The following RAPGEF6 variants were observed in gnomAD, a reference collection of about 807,000 sequenced individuals.
The protein encoded by RAPGEF6 is Rap guanine nucleotide exchange factor 6.
RAPGEF6 carries 56 observed loss-of-function variants against 171.4 expected under a neutral mutation model. The observed-to-expected ratio is 0.33, with a 90% confidence interval of 0.26 to 0.41. The LOEUF is 0.41. Ranked by LOEUF, RAPGEF6 falls within the 10% of genes least tolerant of loss-of-function variation. RAPGEF6 has a pLI of 1.00. For synonymous variants in RAPGEF6, 692 were observed against 650.1 expected, an observed-to-expected ratio of 1.06 and a Z score of -0.98; for missense variants, 1,674 against 1,921.4, an observed-to-expected ratio of 0.87 and a Z score of 2.41.
intron 3 of RAPGEF6, among the ~76,000 whole-genome samples, chr5:131,597,629 T>C (rs1287932483): frequency 6.6e-6 from 1 of 152,150 alleles, no homozygotes; most frequent in African/African-American, 2.4e-5. Flanking sequence ...GAATATCACT[T>C]ATACGTGGAA....
At chr5:131,476,568 C>T (rs1243992254) in intron 16 of RAPGEF6, among the ~76,000 whole-genome samples, 1 of 152,194 alleles carries the variant, frequency 6.6e-6, no homozygotes, top group Non-Finnish European at 1.5e-5. Context: ...TCAAGTGATT[C>T]TCCTGCCTCA....
intron 4 of RAPGEF6, among the ~76,000 whole-genome samples, chr5:131,567,312 G>A (rs1267273296): frequency 1.3e-5 from 2 of 151,810 alleles, no homozygotes. Flanking sequence ...ATTTCCACTT[G>A]AACCTTCCTT....
chr5:131,537,911 G>A (rs1315623446), intron 6 of RAPGEF6, among the ~76,000 whole-genome samples: 1 of 136,662 alleles, frequency 7.3e-6, no homozygotes, highest in African/African-American at 2.8e-5. Flanking sequence ...TGAAAAACAT[G>A]ATGAAACTCC....
chr5:131,520,509 T>C (rs1758406750), intron 7 of RAPGEF6, among the ~76,000 whole-genome samples: 1 of 152,222 alleles, frequency 6.6e-6, no homozygotes, highest in Non-Finnish European at 1.5e-5. Context: ...ACTAGAAAAT[T>C]TAAAATTAAA....
intron 6 of RAPGEF6, among the ~76,000 whole-genome samples, chr5:131,535,450 A>C (rs1171150425): frequency 6.6e-6 from 1 of 152,108 alleles, no homozygotes; most frequent in African/African-American, 2.4e-5. Context: ...ATCTCATCTC[A>C]TTATCTTATC....
At chr5:131,493,516 A>G (rs189895999) in intron 13 of RAPGEF6, among the ~76,000 whole-genome samples, 14 of 152,346 alleles carry the variant, frequency 9.2e-5, no homozygotes, top group Non-Finnish European at 1.6e-4. Flanking sequence ...ATGTTCAAAG[A>G]AACATTCAAG....
intron 4 of RAPGEF6, among the ~76,000 whole-genome samples, chr5:131,589,188 TTTTAG>T (rs1342596534): frequency 1.3e-5 from 2 of 152,142 alleles, no homozygotes; most frequent in African/African-American, 4.8e-5. Context: ...ACAGCTGAAG[TTTTAG>T]TTAAGGCAAG....
In RAPGEF6 at chr5:131,472,686, G is replaced by A. The variant is rs1754831938; in HGVS notation, c.2140C>T (p.His714Tyr). Reference protein sequence around the residue: ...DSIVGTRHCRHSLAIMPIPGT... With the variant: ...DSIVGTRHCRYSLAIMPIPGT... ...GGGATGGGCATTATAGCCAGACTAT[G>A]CCTACAGTGCCTTGTTCCCACAATG... Residue 714 changes from histidine (H) to tyrosine (Y), a missense_variant, in exon 17 of 28, where the codon CAT becomes TAT. His to Tyr is a moderately conservative substitution (Grantham distance 83). This residue lies in a region of RAPGEF6 where 1,116 missense variants were observed against 1,321.5 expected (regional missense o/e 0.84). Coordinates refer to ENST00000509018, the MANE Select transcript of RAPGEF6 (RefSeq NM_016340.6). 1 of 1,612,506 alleles carries A rather than the reference G, an allele frequency of 6.2e-7. No individual in the cohort carries two copies.
At chr5:131,530,949 G>T (rs1046194096) in intron 6 of RAPGEF6, among the ~76,000 whole-genome samples, 1 of 152,092 alleles carries the variant, frequency 6.6e-6, no homozygotes, top group Non-Finnish European at 1.5e-5. Context: ...GGGCCATATA[G>T]GTGTCATTTT....
intron 16 of RAPGEF6, among the ~76,000 whole-genome samples, chr5:131,475,260 G>C (rs1028482106): frequency 9.9e-5 from 15 of 152,144 alleles, no homozygotes; most frequent in African/African-American, 3.6e-4. Context: ...AGTTGATAAA[G>C]CCCATTTGGC....
At chr5:131,573,822 C>G (rs1229737875) in intron 4 of RAPGEF6, among the ~76,000 whole-genome samples, 1 of 152,172 alleles carries the variant, frequency 6.6e-6, no homozygotes, top group Admixed American at 6.5e-5. Context: ...CACTTTACAG[C>G]CCTAGACCCA....
chr5:131,441,910 A>G (rs188496766), intron 23 of RAPGEF6, among the ~76,000 whole-genome samples: 69 of 152,348 alleles, frequency 4.5e-4, no homozygotes, highest in African/African-American at 1.6e-3. Flanking sequence ...AGTGTGGTCT[A>G]TATTTTATAA....
intron 4 of RAPGEF6, among the ~76,000 whole-genome samples, chr5:131,582,437 T>C (rs1302141504): frequency 6.6e-6 from 1 of 152,120 alleles, no homozygotes; most frequent in Non-Finnish European, 1.5e-5. Flanking sequence ...TATACAAAAA[T>C]TGGTTTAAAT....
intron 3 of RAPGEF6, among the ~76,000 whole-genome samples, chr5:131,592,753 T>C (rs1763668001): frequency 6.6e-6 from 1 of 152,216 alleles, no homozygotes; most frequent in African/African-American, 2.4e-5. Flanking sequence ...AATCATTGTT[T>C]ATACTGTTCC....
intron 15 of RAPGEF6, among the ~76,000 whole-genome samples, chr5:131,480,525 C>G (rs1470378770): frequency 6.6e-6 from 1 of 152,166 alleles, no homozygotes; most frequent in Non-Finnish European, 1.5e-5. Context: ...GTCGCCCAGG[C>G]TGGAGTGCAG....
intron 5 of RAPGEF6, among the ~76,000 whole-genome samples, chr5:131,555,373 A>AT (rs5871428): frequency 0.76 from 115,160 of 151,746 alleles, 43,958 homozygotes; most frequent in Middle Eastern, 0.81. Flanking sequence ...TAGGAAACAC[A>AT]TTTTTTTTCT....
At chr5:131,492,813 A>T in intron 13 of RAPGEF6, 28 bp from the exon 14 acceptor site, 1 of 1,573,316 alleles carries the variant, frequency 6.4e-7, no homozygotes, top group Non-Finnish European at 8.7e-7. Flanking sequence ...ATAAATGTAT[A>T]TAAATGTATC....
At chr5:131,628,689 G>A (rs2150041803) in intron 1 of RAPGEF6, among the ~76,000 whole-genome samples, 1 of 152,230 alleles carries the variant, frequency 6.6e-6, no homozygotes, top group Non-Finnish European at 1.5e-5. Flanking sequence ...CAAAGGACAG[G>A]CTGACTCCTG....
At chr5:131,561,587 G>A (rs1315680750) in intron 5 of RAPGEF6, among the ~76,000 whole-genome samples, 1 of 150,870 alleles carries the variant, frequency 6.6e-6, no homozygotes, top group African/African-American at 2.4e-5. Flanking sequence ...TTAAACCTAG[G>A]AGGCGGAGGT....
Sources: gnomAD v4.1 joint callset for allele counts (sites outside exome capture counted in the v4.1 genomes callset) on GRCh38, gnomAD v4.1.1 for gene constraint, gnomAD v4.1.1 regional missense constraint, MANE v1.5 for transcripts, NCBI Gene and HGNC (gene_info 2026-07-23, HGNC 2026-07-21) for gene names.